The following CCDC178 variants were observed in gnomAD, a reference collection of about 807,000 sequenced individuals.
CCDC178 encodes coiled-coil domain-containing protein 178.
In CCDC178, 126 loss-of-function variants were observed where a neutral mutation model predicts 117.4. That is an observed-to-expected ratio of 1.07 (90% CI 0.93 to 1.24). The LOEUF (loss-of-function observed/expected upper bound fraction) is 1.24, where lower values mean the gene tolerates loss of function less well. CCDC178 is among the 50% of genes most tolerant of loss of function. The pLI is 0.00. For missense variants in CCDC178, 1,030 were observed against 986.9 expected (o/e 1.04, Z -0.59); for synonymous variants, 283 against 313.4 (o/e 0.90, Z 1.02).
intron 10 of CCDC178, among the ~76,000 whole-genome samples, chr18:33,323,979 C>T (rs2062552390): frequency 1.3e-5 from 2 of 151,834 alleles, no homozygotes; most frequent in Non-Finnish European, 3.0e-5. Flanking sequence ...CTGTACTCCT[C>T]TCCACTAAGA....
chr18:33,102,291 C>T (rs1423327179), intron 20 of CCDC178, among the ~76,000 whole-genome samples: 1 of 151,736 alleles, frequency 6.6e-6, no homozygotes, highest in Non-Finnish European at 1.5e-5. Context: ...TTTACATCCC[C>T]TCCTAATCTT....
At chr18:33,373,893 G>C (rs1305444615) in intron 5 of CCDC178, among the ~76,000 whole-genome samples, 1 of 152,112 alleles carries the variant, frequency 6.6e-6, no homozygotes, top group African/African-American at 2.4e-5. Context: ...AGGAGTAACT[G>C]ATGTGGAATT....
At position 33,356,172 on chromosome 18, in the gene CCDC178, T is replaced by C. The variant is rs1218950539; in HGVS notation, c.371+152A>G. ...TTGCCATTATCAGTGATGTCCTCAT[T>C]CTTATATTTTAAAAAATATATTGCA... On this transcript the variant is annotated intron_variant, in intron 7 of 22. Transcript: ENST00000383096. 6 of 741,576 alleles carry C rather than the reference T, an allele frequency of 8.1e-6. No homozygotes were observed. In the African/African-American group the frequency reaches 1.1e-4, roughly 14 times the overall value. The allele number at this position is 741,576 out of a possible 1,614,324, so 45.9% of individuals were successfully genotyped here.
At chr18:33,402,898 G>A (rs188402136) in intron 3 of CCDC178, among the ~76,000 whole-genome samples, 35 of 152,284 alleles carry the variant, frequency 2.3e-4, no homozygotes, top group East Asian at 9.7e-4. Flanking sequence ...ACATGTCCAC[G>A]CTTTATTAGA....
At chr18:33,005,959 G>A (rs528200511) in intron 21 of CCDC178, among the ~76,000 whole-genome samples, 1 of 152,074 alleles carries the variant, frequency 6.6e-6, no homozygotes, top group South Asian at 2.1e-4. Context: ...TTAAATGGAA[G>A]ACTTAACTAT....
intron 11 of CCDC178, among the ~76,000 whole-genome samples, chr18:33,317,761 A>G (rs1167260629): frequency 1.3e-5 from 2 of 152,184 alleles, no homozygotes; most frequent in East Asian, 1.9e-4. Flanking sequence ...TGCAATGCCT[A>G]CATGACATAG....
intron 14 of CCDC178, among the ~76,000 whole-genome samples, chr18:33,253,704 A>G (rs1431276971): frequency 6.6e-6 from 1 of 151,918 alleles, no homozygotes; most frequent in Non-Finnish European, 1.5e-5. Flanking sequence ...CTTCTGCAAC[A>G]TGTCAGAAAT....
intron 14 of CCDC178, among the ~76,000 whole-genome samples, chr18:33,257,070 T>C (rs1568093626): frequency 2.0e-5 from 3 of 152,134 alleles, no homozygotes; most frequent in African/African-American, 7.2e-5. Context: ...ATGTGCTTTA[T>C]AATTTTGTAA....
At chr18:32,955,369 A>G (rs1023859310) in intron 22 of CCDC178, among the ~76,000 whole-genome samples, 1 of 152,102 alleles carries the variant, frequency 6.6e-6, no homozygotes, top group African/African-American at 2.4e-5. Flanking sequence ...TAATGTGTAG[A>G]TTTCTTTCAG....
At chr18:33,405,301 A>G (rs1251710601) in intron 3 of CCDC178, among the ~76,000 whole-genome samples, 1 of 151,742 alleles carries the variant, frequency 6.6e-6, no homozygotes, top group Non-Finnish European at 1.5e-5. Context: ...ATGCATCTGT[A>G]TAAATACATC....
chr18:32,960,857 T>C (rs1184119556), intron 22 of CCDC178, among the ~76,000 whole-genome samples: 2 of 152,188 alleles, frequency 1.3e-5, no homozygotes, highest in Non-Finnish European at 1.5e-5. Flanking sequence ...CCATAATATA[T>C]TTACAAGTGT....
At chr18:33,026,628 AG>A (rs2056235208) in intron 21 of CCDC178, among the ~76,000 whole-genome samples, 1 of 151,982 alleles carries the variant, frequency 6.6e-6, no homozygotes, top group African/African-American at 2.4e-5. Flanking sequence ...CAGAAGAAAA[AG>A]TATATTACGT....
intron 20 of CCDC178, among the ~76,000 whole-genome samples, chr18:33,160,384 T>C (rs941370944): frequency 3.3e-5 from 5 of 152,132 alleles, no homozygotes; most frequent in Admixed American, 2.6e-4. Flanking sequence ...GTAAATAATC[T>C]GTGTGATTCA....
chr18:33,186,031 T>C (rs1391678316), intron 20 of CCDC178, among the ~76,000 whole-genome samples: 3 of 152,082 alleles, frequency 2.0e-5, no homozygotes, highest in African/African-American at 7.2e-5. Context: ...CCATATTTCA[T>C]CTATTCAGTC....
intron 22 of CCDC178, among the ~76,000 whole-genome samples, chr18:32,939,505 A>G (rs1470632782): frequency 2.6e-5 from 4 of 152,168 alleles, no homozygotes; most frequent in African/African-American, 9.6e-5. Context: ...TGAGGATATC[A>G]TAGATATACA....
chr18:33,167,768 G>A (rs1404136101), intron 20 of CCDC178, among the ~76,000 whole-genome samples: 2 of 152,052 alleles, frequency 1.3e-5, no homozygotes, highest in Non-Finnish European at 2.9e-5. Flanking sequence ...TTGAGAGGCT[G>A]AGAGAGGAGA....
In CCDC178 at chr18:33,333,306, C is replaced by A. The variant is rs751663181; in HGVS notation, c.747G>T (p.Lys249Asn). The change falls in exon 10 of 23, where the codon AAG becomes AAT. Residue 249 changes from lysine (K) to asparagine (N), a missense_variant. Transcript: ENST00000383096. ...TTGCATTTGCTTCTTCTAACTCTGT[C>A]TTTTGTTTTTCAAAATGTTGTAGTT... ...ANQLQHFEKQ[K>N]TELEEANAKI... 1 of 1,612,450 alleles carries A rather than the reference C, an allele frequency of 6.2e-7. No homozygotes were observed.
At chr18:33,422,777 C>T (rs996278320) in intron 2 of CCDC178, among the ~76,000 whole-genome samples, 2 of 152,136 alleles carry the variant, frequency 1.3e-5, no homozygotes, top group African/African-American at 2.4e-5. Flanking sequence ...AAAAAACACA[C>T]GAATGAATGA....
At chr18:33,436,119 T>C (rs1401553923) in intron 2 of CCDC178, among the ~76,000 whole-genome samples, 1 of 152,100 alleles carries the variant, frequency 6.6e-6, no homozygotes, top group Non-Finnish European at 1.5e-5. Context: ...ATAATTAACA[T>C]TAACAATTTC....
Sources: allele counts gnomAD v4.1 joint callset (sites outside exome capture counted in the v4.1 genomes callset), GRCh38; gene constraint gnomAD v4.1.1; transcripts MANE v1.5; gene names NCBI Gene and HGNC (gene_info 2026-07-23, HGNC 2026-07-21).